The following EDAR variants were observed in gnomAD, a reference collection of about 807,000 sequenced individuals.
EDAR encodes ectodysplasin A receptor, also known as tumor necrosis factor receptor superfamily member EDAR.
In EDAR, 38 loss-of-function variants were observed where a neutral mutation model predicts 51.3. That is an observed-to-expected ratio of 0.74 (90% confidence interval 0.57 to 0.97). The LOEUF (loss-of-function observed/expected upper bound fraction) is 0.97, where lower values mean the gene tolerates loss of function less well. Ranked by LOEUF, EDAR falls within the 50% of genes least tolerant of loss-of-function variation. EDAR has a pLI of 0.00. For missense variants in EDAR, 528 were observed against 595.0 expected (o/e 0.89, Z 1.17); for synonymous variants, 227 against 242.1 (o/e 0.94, Z 0.58).
chr2:108,906,575 C>T (rs966295161), intron 10 of EDAR, among the ~76,000 whole-genome samples: 6 of 152,180 alleles, frequency 3.9e-5, no homozygotes, highest in Non-Finnish European at 8.8e-5. Context: ...GGGTCTACCA[C>T]GGGTGCGTCT....
chr2:108,905,988 T>C (rs1429942140), intron 11 of EDAR, among the ~76,000 whole-genome samples: 2 of 152,172 alleles, frequency 1.3e-5, no homozygotes, highest in African/African-American at 2.4e-5. Flanking sequence ...ACACGGTCTC[T>C]GGGGACACGG....
chr2:108,922,411 C>T (rs1038714880), intron 5 of EDAR, among the ~76,000 whole-genome samples: 13 of 152,206 alleles, frequency 8.5e-5, no homozygotes, highest in African/African-American at 2.2e-4. Flanking sequence ...GCTTTGAAGA[C>T]GAGCAAACAC....
At chr2:108,901,551 C>T (rs922903112) in intron 11 of EDAR, among the ~76,000 whole-genome samples, 5 of 152,094 alleles carry the variant, frequency 3.3e-5, no homozygotes, top group East Asian at 3.9e-4. Context: ...TTGAAAAGAT[C>T]AATATAACTG....
chr2:108,945,081 G>A (rs1697690398), intron 1 of EDAR, among the ~76,000 whole-genome samples: 1 of 152,140 alleles, frequency 6.6e-6, no homozygotes, highest in Non-Finnish European at 1.5e-5. Context: ...CCTTGAATGC[G>A]CAAAGGAGTT....
rs562685350 is a variant in EDAR, at chr2:108,946,285, G to A, written c.-18-15253C>T. On this transcript the variant is annotated intron_variant, in intron 1 of 11. Transcript: ENST00000258443. ...ACCCCAAACTCATGTCAGTACCTAC[G>A]GGTGACAGTGACGGGAGTAGCACCT... 5.3e-5 allele frequency among the ~76,000 whole-genome samples: 8 copies of A among 152,284 alleles called. No individual in the cohort carries two copies. In the East Asian group the frequency reaches 1.2e-3, roughly 22 times the overall value.
At chr2:108,983,342 A>G (rs1013454411) in intron 1 of EDAR, among the ~76,000 whole-genome samples, 1 of 152,218 alleles carries the variant, frequency 6.6e-6, no homozygotes, top group Non-Finnish European at 1.5e-5. Context: ...GTGCATTTCC[A>G]TATTTTTAAG....
chr2:108,923,709 T>TCTC (rs1200650520), intron 4 of EDAR, among the ~76,000 whole-genome samples: 1 of 152,356 alleles, frequency 6.6e-6, no homozygotes, highest in East Asian at 1.9e-4. Flanking sequence ...CTGGTTCCTC[T>TCTC]CTCTGGTGGC....
chr2:108,911,034 T>C lies in EDAR; in HGVS notation c.568A>G (p.Ile190Val). Residue 190 changes from isoleucine to valine, a missense_variant, in exon 7 of 12, where the codon ATT (isoleucine) becomes GTT (valine). By Grantham distance (29) the Ile-to-Val change is conservative. Coordinates refer to ENST00000258443, the MANE Select transcript of EDAR (RefSeq NM_022336.4). Reference sequence around the variant, plus strand: ...ATGATGAAGATGGTGGACATTGCAATGATCAGGGCAGTGGCCAGGTGTCCT... The same window carrying C: ...ATGATGAAGATGGTGGACATTGCAACGATCAGGGCAGTGGCCAGGTGTCCT... ...GQGHLATALIIAMSTIFIMAI... is the reference protein window; with the variant it reads ...GQGHLATALIVAMSTIFIMAI... The C allele has an allele frequency of 6.2e-7, 1 of 1,614,126 alleles. No individual in the cohort carries two copies. Among genetic ancestry groups the C allele is most frequent in the Non-Finnish European group, 8.5e-7 (1 of 1,180,008 alleles).
intron 1 of EDAR, among the ~76,000 whole-genome samples, chr2:108,945,061 T>C (rs1574397041): frequency 1.3e-5 from 2 of 152,308 alleles, no homozygotes. Flanking sequence ...TACAGTCTGG[T>C]GCTTTCTGCC....
chr2:108,959,888 C>G (rs1370558475), intron 1 of EDAR, among the ~76,000 whole-genome samples: 2 of 152,042 alleles, frequency 1.3e-5, no homozygotes, highest in Admixed American at 6.6e-5. Flanking sequence ...ACACACATAT[C>G]CAAGTGAAAC....
intron 1 of EDAR, among the ~76,000 whole-genome samples, chr2:108,947,010 T>C (rs1407735104): frequency 6.6e-6 from 1 of 152,188 alleles, no homozygotes; most frequent in Non-Finnish European, 1.5e-5. Context: ...GCAAATCCCT[T>C]CTGCCTATAA....
intron 1 of EDAR, among the ~76,000 whole-genome samples, chr2:108,943,677 T>A (rs539293050): frequency 6.6e-6 from 1 of 152,228 alleles, no homozygotes; most frequent in African/African-American, 2.4e-5. Flanking sequence ...GTGTGTTGAG[T>A]AACAGCAGCC....
intron 4 of EDAR, 106 bp downstream of exon 4, chr2:108,929,092 G>A (rs889886576): frequency 2.0e-5 from 26 of 1,315,726 alleles, no homozygotes; most frequent in Non-Finnish European, 2.6e-5. Context: ...CGGCTGCACC[G>A]AGGCCTGCAG....
intron 4 of EDAR, among the ~76,000 whole-genome samples, chr2:108,924,572 T>G (rs1697216735): frequency 6.6e-6 from 1 of 152,164 alleles, no homozygotes; most frequent in Admixed American, 6.5e-5. Flanking sequence ...CCAGGCCCCA[T>G]GGAGGCCCCT....
At chr2:108,908,431 A>T (rs139410365) in intron 9 of EDAR, among the ~76,000 whole-genome samples, 142 of 152,344 alleles carry the variant, frequency 9.3e-4, no homozygotes, top group African/African-American at 3.2e-3. Context: ...AAGCAAACAG[A>T]TTGATGCAGC....
chr2:108,949,559 A>C (rs1332936723), intron 1 of EDAR, among the ~76,000 whole-genome samples: 1 of 152,184 alleles, frequency 6.6e-6, no homozygotes, highest in African/African-American at 2.4e-5. Flanking sequence ...CCAGTGCATG[A>C]CTTGCAATTA....
chr2:108,970,808 A>T (rs2104439476), intron 1 of EDAR, among the ~76,000 whole-genome samples: 1 of 152,346 alleles, frequency 6.6e-6, no homozygotes, highest in African/African-American at 2.4e-5. Context: ...ATACACTTTA[A>T]TTTGTTTGTG....
intron 9 of EDAR, among the ~76,000 whole-genome samples, chr2:108,909,221 T>C (rs1288313623): frequency 6.6e-6 from 1 of 152,234 alleles, no homozygotes; most frequent in Non-Finnish European, 1.5e-5. Flanking sequence ...TTTTGATTTC[T>C]GGGAATAAGA....
intron 5 of EDAR, among the ~76,000 whole-genome samples, chr2:108,917,310 A>G (rs1363805054): frequency 6.6e-6 from 1 of 152,164 alleles, no homozygotes; most frequent in African/African-American, 2.4e-5. Context: ...ACAAAAGTCC[A>G]GCCGGGCAGG....
Sources: gnomAD v4.1 joint callset for allele counts (sites outside exome capture counted in the v4.1 genomes callset) on GRCh38, gnomAD v4.1.1 for gene constraint, MANE v1.5 for transcripts, NCBI Gene and HGNC (gene_info 2026-07-23, HGNC 2026-07-21) for gene names.